FHAD1: variants seen among roughly 807,000 people sequenced by gnomAD.
FHAD1 encodes forkhead-associated domain-containing protein 1.
FHAD1 carries 146 observed loss-of-function variants against 191.3 expected under a neutral mutation model. The observed-to-expected ratio is 0.76, with a 90% confidence interval of 0.67 to 0.88. FHAD1 has a LOEUF of 0.88. Among genes scored for constraint, FHAD1 ranks in the 40% least tolerant of loss-of-function variants. The pLI is 0.00. For synonymous variants in FHAD1, 616 were observed against 672.3 expected, an observed-to-expected ratio of 0.92 and a Z score of 1.29; for missense variants, 1,635 against 1,785.8, an observed-to-expected ratio of 0.92 and a Z score of 1.52.
intron 3 of FHAD1, among the ~76,000 whole-genome samples, chr1:15,273,646 C>G (rs972185982): frequency 1.2e-4 from 19 of 152,278 alleles, no homozygotes; most frequent in African/African-American, 4.6e-4. Context: ...TTGCCATCAC[C>G]ATGTACATCC....
chr1:15,385,830 C>G (rs1298840346), intron 31 of FHAD1, among the ~76,000 whole-genome samples: 2 of 152,186 alleles, frequency 1.3e-5, no homozygotes, highest in Non-Finnish European at 2.9e-5. Flanking sequence ...CTGTGCAAAT[C>G]AGACCTGACA....
chr1:15,273,389 A>G (rs1174586236), intron 3 of FHAD1, among the ~76,000 whole-genome samples: 1 of 152,206 alleles, frequency 6.6e-6, no homozygotes, highest in African/African-American at 2.4e-5. Flanking sequence ...TCCAAAGTAC[A>G]TCATTTGCTA....
chr1:15,318,978 T>G lies in FHAD1; in HGVS notation c.1365+1050T>G, dbSNP rs1675414135. On this transcript the variant is annotated intron_variant, in intron 10 of 33. Transcript: ENST00000688493. This position sits in a 1 kb window ranked among gnomAD's most constrained non-coding sequence, Gnocchi z 4.1. ...TTATTTGATTAGAAGATGGTTGTCATTGAGAAAACTAAGAATTTTTTTTTT... is the reference window on the plus strand; with the variant it reads ...TTATTTGATTAGAAGATGGTTGTCAGTGAGAAAACTAAGAATTTTTTTTTT... Among the ~76,000 whole-genome samples the G allele has an allele frequency of 6.6e-6, 1 of 152,000 alleles. No individual in the cohort carries two copies. Among genetic ancestry groups the G allele is most frequent in the Non-Finnish European group, 1.5e-5 (1 of 68,018 alleles).
At chr1:15,273,404 T>C (rs916871690) in intron 3 of FHAD1, among the ~76,000 whole-genome samples, 9 of 152,298 alleles carry the variant, frequency 5.9e-5, no homozygotes, top group African/African-American at 1.9e-4. Context: ...TTGCTAGGTT[T>C]GGGAACATGG....
intron 18 of FHAD1, among the ~76,000 whole-genome samples, chr1:15,347,354 C>G (rs909241611): frequency 6.6e-6 from 1 of 152,220 alleles, no homozygotes; most frequent in Admixed American, 6.5e-5. Context: ...TTGGGTCACC[C>G]CGCGTCTGTT....
At chr1:15,365,784 G>A in intron 23 of FHAD1, 43 bp from the exon 24 acceptor site, 1 of 1,258,688 alleles carries the variant, frequency 7.9e-7, no homozygotes, top group South Asian at 1.3e-5. Context: ...AGATAACATG[G>A]AGTTTGAGTT....
chr1:15,286,188 G>C (rs1269673825), intron 3 of FHAD1, among the ~76,000 whole-genome samples: 1 of 152,132 alleles, frequency 6.6e-6, no homozygotes, highest in African/African-American at 2.4e-5. Flanking sequence ...GGAGAATTTT[G>C]TTATGTATTT....
chr1:15,292,108 TGA>T (rs1262138595), intron 4 of FHAD1, among the ~76,000 whole-genome samples: 4 of 152,192 alleles, frequency 2.6e-5, no homozygotes, highest in East Asian at 1.9e-4. Context: ...CTAACTGTAT[TGA>T]GAGAGTGCCT....
At chr1:15,269,915 CTTTT>C (rs144971337) in intron 2 of FHAD1, among the ~76,000 whole-genome samples, 1 of 123,086 alleles carries the variant, frequency 8.1e-6, no homozygotes, top group Non-Finnish European at 1.7e-5. Context: ...TTATGGCTCT[CTTTT>C]TTTTTTTTTT....
At chr1:15,296,163 A>C (rs1666895034) in intron 4 of FHAD1, among the ~76,000 whole-genome samples, 2 of 152,316 alleles carry the variant, frequency 1.3e-5, no homozygotes, top group Admixed American at 6.5e-5. Context: ...CAGTTATCAA[A>C]GGAAGAAGGA....
intron 23 of FHAD1, among the ~76,000 whole-genome samples, chr1:15,365,147 C>A (rs996885641): frequency 6.6e-6 from 1 of 152,078 alleles, no homozygotes; most frequent in East Asian, 1.9e-4. Context: ...CTTTTTTCTT[C>A]CCTGTCCCCA....
At chr1:15,372,903 C>T (rs1698520120) in intron 26 of FHAD1, among the ~76,000 whole-genome samples, 1 of 152,194 alleles carries the variant, frequency 6.6e-6, no homozygotes, top group Admixed American at 6.5e-5. Flanking sequence ...CAGATATTTT[C>T]ACCTTGTTGT....
intron 3 of FHAD1, among the ~76,000 whole-genome samples, chr1:15,281,371 A>T (rs375526854): frequency 6.6e-6 from 1 of 152,238 alleles, no homozygotes; most frequent in Admixed American, 6.5e-5. Context: ...GACTACCTGT[A>T]TGAATAAGCG....
At chr1:15,386,849 C>CTTTTTTTTTTTTT (rs59453670) in intron 31 of FHAD1, among the ~76,000 whole-genome samples, 5 of 144,224 alleles carry the variant, frequency 3.5e-5, no homozygotes, top group South Asian at 2.2e-4. Context: ...TCCTTTCTTT[C>CTTTTTTTTTTTTT]TTTTTTTTTT....
rs1411302034 is a variant in FHAD1, at chr1:15,325,455, C to G, written c.1473+896C>G. The G allele has an allele frequency of 6.6e-6, 1 of 152,350 alleles. No individual in the cohort carries two copies. The highest frequency in any genetic ancestry group is 2.4e-5 in the African/African-American group (1 of 41,450). The allele number at this position is 152,350 out of a possible 1,614,324, so 9.4% of individuals were successfully genotyped here. On this transcript the variant is annotated intron_variant, in intron 11 of 33. Transcript: ENST00000688493. The surrounding 1 kb of genome is among the most constrained non-coding windows in gnomAD (Gnocchi z 4.6). ...CTCTCAAACCACCCAGCTCAGCTCC[C>G]AAAGCCCTTCCATTTTCTACCATCC...
chr1:15,397,428 A>T lies in FHAD1; in HGVS notation c.*15A>T. 7.4e-7 allele frequency: 1 copy of T among 1,351,236 alleles called. No individual in the cohort carries two copies. Among genetic ancestry groups the T allele is most frequent in the Non-Finnish European group, 1.0e-6 (1 of 978,974 alleles). 83.7% of individuals were successfully genotyped at this position (1,351,236 alleles called of 1,614,324 possible). On this transcript the variant is annotated 3_prime_UTR_variant, in exon 34 of 34. Transcript: ENST00000688493. ...GAAAGTACTAGAGAAACCTCGTCCC[A>T]CCAGGCCTCATGTGATCCTCTGTGA...
At chr1:15,385,141 T>C (rs1391238039) in intron 31 of FHAD1, among the ~76,000 whole-genome samples, 2 of 152,100 alleles carry the variant, frequency 1.3e-5, no homozygotes, top group Non-Finnish European at 2.9e-5. Context: ...TTTTTTTTTT[T>C]TTTGCTTGCT....
intron 4 of FHAD1, among the ~76,000 whole-genome samples, chr1:15,295,418 G>A (rs1357118119): frequency 6.6e-6 from 1 of 152,092 alleles, no homozygotes; most frequent in African/African-American, 2.4e-5. Context: ...AGACCAACTT[G>A]GATAACATAG....
At chr1:15,387,795 G>GGACC (rs1250729674) in intron 31 of FHAD1, among the ~76,000 whole-genome samples, 2 of 152,208 alleles carry the variant, frequency 1.3e-5, no homozygotes, top group African/African-American at 4.8e-5. Flanking sequence ...TGAGGTGGGA[G>GGACC]GACCGCTTGA....
Sources: allele counts gnomAD v4.1 joint callset (sites outside exome capture counted in the v4.1 genomes callset), GRCh38; gene constraint gnomAD v4.1.1; non-coding constraint Gnocchi (gnomAD v3.1); transcripts MANE v1.5; gene names NCBI Gene and HGNC (gene_info 2026-07-23, HGNC 2026-07-21).